Variants in FCGR3A observed in about 807,000 individuals in gnomAD.
FCGR3A encodes low affinity immunoglobulin gamma Fc region receptor III-A.
A neutral mutation model predicts 24.1 loss-of-function variants in FCGR3A; 13 were observed. That is an observed-to-expected ratio of 0.54 (90% confidence interval 0.35 to 0.86). The LOEUF (loss-of-function observed/expected upper bound fraction) is 0.86. Ranked by LOEUF, FCGR3A falls within the 40% of genes least tolerant of loss-of-function variation. FCGR3A has a pLI of 0.01. For synonymous variants in FCGR3A, 93 were observed against 112.2 expected, an observed-to-expected ratio of 0.83 and a Z score of 1.08; for missense variants, 235 against 298.0, an observed-to-expected ratio of 0.79 and a Z score of 1.56.
At chr1:161,545,468 T>A (rs59815331) in intron 3 of FCGR3A, 1 of 157,034 alleles carries the variant, frequency 6.4e-6, no homozygotes, top group Non-Finnish European at 1.4e-5. Context: ...GCAGAAATTG[T>A]GAAGGAGAAC....
rs1677155692 is a variant in FCGR3A, at chr1:161,542,380, A to G, written c.*632T>C. ...TATACTTGGAGATGGTCCAGTTCTG[A>G]TAGAGTCCCCTGGAAGACTCAATTC... is the stretch of plus-strand genomic sequence containing the variant. On this transcript the variant is annotated 3_prime_UTR_variant, in exon 5 of 5. Coordinates refer to ENST00000443193, the MANE Select transcript of FCGR3A (RefSeq NM_000569.8). The G allele has an allele frequency of 6.7e-6, 1 of 150,236 alleles. No individual in the cohort carries two copies. Among genetic ancestry groups the G allele is most frequent in the South Asian group, 2.1e-4 (1 of 4,784 alleles). 9.3% of individuals were successfully genotyped at this position (150,236 alleles called of 1,614,324 possible).
In FCGR3A at chr1:161,544,849, C is replaced by G. The variant is rs1677312161; in HGVS notation, c.429G>C (p.Gln143His). 6.2e-7 allele frequency: 1 copy of G among 1,613,808 alleles called. No homozygotes were observed. Among genetic ancestry groups the G allele is most frequent in the Non-Finnish European group, 8.5e-7 (1 of 1,179,948 alleles). Reference sequence around the variant, plus strand: ...GAAAATACTTCCTGCCTTTGCCATTCTGTAAATATGTGACCTTATGCAGAG... The same window carrying G: ...GAAAATACTTCCTGCCTTTGCCATTGTGTAAATATGTGACCTTATGCAGAG... ...NTALHKVTYLQNGKGRKYFHH... is the reference protein window; with the variant it reads ...NTALHKVTYLHNGKGRKYFHH... The change falls in exon 4 of 5, where the codon CAG (glutamine) becomes CAC (histidine). Residue 143 changes from glutamine to histidine, a missense_variant. Coordinates refer to ENST00000443193, the MANE Select transcript of FCGR3A (RefSeq NM_000569.8).
chr1:161,550,088 A>C, upstream of FCGR3A: 1 of 577,430 alleles, frequency 1.7e-6, no homozygotes, highest in Non-Finnish European at 3.1e-6. Context: ...ATTTGGATCC[A>C]CCCAGCACCA....
chr1:161,550,036 G>A, upstream of FCGR3A: 2 of 648,492 alleles, frequency 3.1e-6, no homozygotes, highest in Non-Finnish European at 5.3e-6. Context: ...ATCTGCCAGA[G>A]TGTGCCCTCA....
chr1:161,550,678 T>C (rs1220896321), upstream of FCGR3A: 1 of 152,440 alleles, frequency 6.6e-6, no homozygotes, highest in Non-Finnish European at 1.5e-5. Flanking sequence ...GGAGGGTTGT[T>C]AACCTCTTCT....
Position 161,543,036 on chromosome 1 carries a change from C to T in FCGR3A, c.741G>A (p.Trp247Ter), listed in dbSNP as rs754086384. The stretch of plus-strand genomic sequence containing the variant: ...GTCATTTGTCTTGAGGGTCCTTTCT[C>T]CATTTAAATTTATGGTCCTTCCAGT... ...TRDWKDHKFK[W>*]RKDPQDK is the part of the protein sequence containing the mutation. Residue 247 changes from tryptophan to a stop codon, truncating the protein, a stop_gained, in exon 5 of 5, where the codon TGG (tryptophan) becomes TGA (stop). Transcript: ENST00000443193. LOFTEE classifies it high-confidence loss of function. 3 of 1,612,494 alleles carry T rather than the reference C, an allele frequency of 1.9e-6. No individual in the cohort carries two copies. Among genetic ancestry groups the T allele is most frequent in the Admixed American group, 1.7e-5 (1 of 59,792 alleles).
At chr1:161,546,796 T>G (rs1246354183) in intron 3 of FCGR3A, among the ~76,000 whole-genome samples, 1 of 151,818 alleles carries the variant, frequency 6.6e-6, no homozygotes, top group East Asian at 1.9e-4. Flanking sequence ...TCCCAGCTAC[T>G]TGGGAGGCTG....
upstream of FCGR3A, chr1:161,550,174 C>T: frequency 2.0e-6 from 1 of 503,038 alleles, no homozygotes; most frequent in Admixed American, 3.7e-5. Flanking sequence ...TTCATTTCAC[C>T]TCAGAACTTG....
chr1:161,550,699 G>C (rs1488728257), upstream of FCGR3A: 11 of 152,492 alleles, frequency 7.2e-5, no homozygotes, highest in Non-Finnish European at 2.9e-5. Flanking sequence ...CTTCTCTCCA[G>C]ATTCTCCCCC....
upstream of FCGR3A, among the ~76,000 whole-genome samples, chr1:161,550,257 C>T (rs1033681326): frequency 2.6e-5 from 4 of 152,218 alleles, no homozygotes; most frequent in Non-Finnish European, 4.4e-5. Flanking sequence ...GTGGTCCTTT[C>T]AAATCTTCAG....
chr1:161,546,794 A>T (rs936627041), intron 3 of FCGR3A, among the ~76,000 whole-genome samples: 17 of 152,034 alleles, frequency 1.1e-4, no homozygotes, highest in Non-Finnish European at 1.6e-4. Context: ...AGTCCCAGCT[A>T]CTTGGGAGGC....
intron 4 of FCGR3A, among the ~76,000 whole-genome samples, chr1:161,543,667 C>T (rs1288850483): frequency 6.6e-6 from 1 of 152,192 alleles, no homozygotes; most frequent in Non-Finnish European, 1.5e-5. Context: ...CATGTTACCC[C>T]ATTTGCTTTA....
Position 161,548,638 on chromosome 1 carries a change from C to T in FCGR3A, c.102G>A (p.Trp34Ter), listed in dbSNP as rs758874296. The change falls in exon 3 of 5, where the codon TGG (tryptophan) becomes TGA (stop). Residue 34 changes from tryptophan (W) to a stop codon, truncating the protein, a stop_gained. Transcript: ENST00000443193. LOFTEE classifies it high-confidence loss of function. ...PKAVVFLEPQWYRVLEKDSVT... is the reference protein window; with the variant it reads ...PKAVVFLEPQ ...CACTGTCCTTCTCGAGCACCCTGTA[C>T]CATTGAGGCTCCAGGAACACCACAG... is the stretch of plus-strand genomic sequence containing the variant. 1 of 1,613,902 alleles carries T rather than the reference C, an allele frequency of 6.2e-7. No individual in the cohort carries two copies.
rs115866473 is a variant in FCGR3A, at chr1:161,547,509, T to A, written c.319+912A>T. 6.4e-3 allele frequency among the ~76,000 whole-genome samples: 976 copies of A among 152,290 alleles called. 2 individuals carry two copies. Among genetic ancestry groups the A allele is most frequent in the African/African-American group, 0.022 (926 of 41,536 alleles). The stretch of plus-strand genomic sequence containing the variant: ...GCCTTCAAAATATTTCTCCTACCTG[T>A]GTCTGACGTCTATATTCTGTTAATA... On this transcript the variant is annotated intron_variant, in intron 3 of 4. Coordinates refer to ENST00000443193, the MANE Select transcript of FCGR3A (RefSeq NM_000569.8).
chr1:161,544,664 G>T lies in FCGR3A; in HGVS notation c.577+37C>A, dbSNP rs373852036. The T allele has an allele frequency of 1.1e-4, 170 of 1,602,492 alleles. 3 individuals are homozygous for T. Among genetic ancestry groups the T allele is most frequent in the Non-Finnish European group, 2.8e-5 (33 of 1,173,542 alleles). On this transcript the variant is annotated intron_variant, in intron 4 of 4. Transcript: ENST00000443193. Reference sequence around the variant, plus strand: ...AGTGTGATTGCAGGTTCCACACACAGGCGTCCCTGGGCATTCCAGGGTGGC... The same window carrying T: ...AGTGTGATTGCAGGTTCCACACACATGCGTCCCTGGGCATTCCAGGGTGGC...
At chr1:161,547,351 T>C (rs943984492) in intron 3 of FCGR3A, among the ~76,000 whole-genome samples, 5 of 152,142 alleles carry the variant, frequency 3.3e-5, no homozygotes, top group Admixed American at 6.5e-5. Flanking sequence ...TATGCCCTTC[T>C]TCCCCCAAAG....
At position 161,549,045 on chromosome 1, in the gene FCGR3A, G is replaced by A; in HGVS notation, c.41-14C>T. ...TGCCAGCTGAAACTGCAAGAAAAAA[G>A]ATAAATCAAATATTGAGTAGGGGCA... is the stretch of plus-strand genomic sequence containing the variant. On this transcript the variant is annotated splice_polypyrimidine_tract_variant and intron_variant, in intron 1 of 4. Transcript: ENST00000443193. 6.3e-7 allele frequency: 1 copy of A among 1,584,970 alleles called. No homozygotes were observed. Among genetic ancestry groups the A allele is most frequent in the Non-Finnish European group, 8.6e-7 (1 of 1,157,130 alleles).
chr1:161,546,489 T>C (rs1677401107), intron 3 of FCGR3A, among the ~76,000 whole-genome samples: 1 of 152,090 alleles, frequency 6.6e-6, no homozygotes, highest in African/African-American at 2.4e-5. Context: ...ATCTACAGTC[T>C]AGACATAGAA....
chr1:161,549,023 C>T lies in FCGR3A; in HGVS notation c.49G>A (p.Gly17Ser). The T allele has an allele frequency of 6.3e-7, 1 of 1,593,072 alleles. No homozygotes were observed. The highest frequency in any genetic ancestry group is 8.6e-7 in the Non-Finnish European group (1 of 1,162,566). ...PTALLLLVSA[G>S]MRTEDLPKAV... ...GAAGCTGACTCACCAGTCCGCATGC[C>T]AGCTGAAACTGCAAGAAAAAAGATA... The change falls in exon 2 of 5, where the codon GGC (glycine) becomes AGC (serine). Residue 17 changes from glycine to serine, a missense_variant. Coordinates refer to ENST00000443193, the MANE Select transcript of FCGR3A (RefSeq NM_000569.8).
Sources: allele counts gnomAD v4.1 joint callset (sites outside exome capture counted in the v4.1 genomes callset), GRCh38; gene constraint gnomAD v4.1.1; transcripts MANE v1.5; gene names NCBI Gene and HGNC (gene_info 2026-07-23, HGNC 2026-07-21).